The following CDH18 variants were observed in gnomAD, a reference collection of about 807,000 sequenced individuals.
CDH18 encodes cadherin 18, also known as cadherin-18.
Under a neutral mutation model 67.9 loss-of-function variants are expected in CDH18, and 31 were observed. The observed-to-expected ratio is 0.46, with a 90% CI of 0.34 to 0.62. The LOEUF (loss-of-function observed/expected upper bound fraction) is 0.62, where lower values mean the gene tolerates loss of function less well. CDH18 is among the 20% of genes least tolerant of loss of function. CDH18 has a pLI of 0.01. For synonymous variants in CDH18, 362 were observed against 347.2 expected (o/e 1.04, Z -0.48); for missense variants, 890 against 975.5 (o/e 0.91, Z 1.17).
intron 1 of CDH18, among the ~76,000 whole-genome samples, chr5:20,468,006 G>GTATT (rs59882384): frequency 0.41 from 61,531 of 148,418 alleles, 14,383 homozygotes; most frequent in Non-Finnish European, 0.52. Context: ...ATTTATTTAT[G>GTATT]TATTTATTTA....
intron 4 of CDH18, among the ~76,000 whole-genome samples, chr5:19,730,331 C>T (rs1767424688): frequency 6.6e-6 from 1 of 152,196 alleles, no homozygotes; most frequent in African/African-American, 2.4e-5. Context: ...ACAGATTTCT[C>T]CCCAATGCTC....
At chr5:20,390,964 T>C (rs1273726570) in intron 1 of CDH18, among the ~76,000 whole-genome samples, 1 of 151,830 alleles carries the variant, frequency 6.6e-6, no homozygotes, top group African/African-American at 2.4e-5. Flanking sequence ...AAGGGGAACG[T>C]CACACACTGG....
chr5:19,899,824 A>G (rs1251496506), intron 2 of CDH18, among the ~76,000 whole-genome samples: 1 of 152,182 alleles, frequency 6.6e-6, no homozygotes, highest in East Asian at 1.9e-4. Flanking sequence ...GGTAAGTAAA[A>G]TAAGCCAGTC....
intron 5 of CDH18, among the ~76,000 whole-genome samples, chr5:19,645,872 A>C (rs1035890518): frequency 2.0e-5 from 3 of 152,188 alleles, no homozygotes; most frequent in Admixed American, 2.0e-4. Context: ...ACTTTATAAA[A>C]AGGAAGAAGT....
intron 1 of CDH18, among the ~76,000 whole-genome samples, chr5:20,276,441 A>C (rs1336322256): frequency 6.6e-6 from 1 of 152,196 alleles, no homozygotes; most frequent in African/African-American, 2.4e-5. Flanking sequence ...AATGGGCCAG[A>C]AGGGAACCCA....
chr5:20,547,841 A>AT (rs1757425846), intron 1 of CDH18, among the ~76,000 whole-genome samples: 1 of 152,058 alleles, frequency 6.6e-6, no homozygotes. Flanking sequence ...GTTGATTAAC[A>AT]TTTTTTGTCA....
At chr5:19,487,539 C>T (rs1740608504) in intron 11 of CDH18, among the ~76,000 whole-genome samples, 1 of 152,080 alleles carries the variant, frequency 6.6e-6, no homozygotes, top group Non-Finnish European at 1.5e-5. Context: ...CAAAAGGGCC[C>T]CTGAAAATGT....
At chr5:20,385,694 C>G (rs577761458) in intron 1 of CDH18, among the ~76,000 whole-genome samples, 1 of 152,204 alleles carries the variant, frequency 6.6e-6, no homozygotes, top group East Asian at 1.9e-4. Context: ...GAAAAGAATG[C>G]TTTTTGATTT....
intron 1 of CDH18, among the ~76,000 whole-genome samples, chr5:20,436,062 A>G (rs1197554737): frequency 6.6e-6 from 1 of 151,990 alleles, no homozygotes; most frequent in Non-Finnish European, 1.5e-5. Context: ...TCATAACAAT[A>G]TTGGTTTATA....
chr5:20,082,236 A>G (rs1001054394), intron 2 of CDH18, among the ~76,000 whole-genome samples: 9 of 152,198 alleles, frequency 5.9e-5, no homozygotes, highest in African/African-American at 2.4e-5. Context: ...ATAAGACAAT[A>G]TTATTTGAAG....
intron 2 of CDH18, among the ~76,000 whole-genome samples, chr5:20,229,898 A>C (rs1741931215): frequency 6.6e-6 from 1 of 152,048 alleles, no homozygotes; most frequent in South Asian, 2.1e-4. Flanking sequence ...TGTTATTTTC[A>C]TTATTTATTT....
At chr5:20,211,188 C>T (rs1740322328) in intron 2 of CDH18, among the ~76,000 whole-genome samples, 1 of 152,074 alleles carries the variant, frequency 6.6e-6, no homozygotes, top group South Asian at 2.1e-4. Flanking sequence ...GAAGCTTCTA[C>T]CACTGTGTAA....
chr5:19,741,187 T>C (rs1561195985), intron 4 of CDH18, among the ~76,000 whole-genome samples: 1 of 149,884 alleles, frequency 6.7e-6, no homozygotes. Context: ...ATATGTCATC[T>C]ATGTATATAT....
chr5:20,138,639 C>G (rs1013627728), intron 2 of CDH18, among the ~76,000 whole-genome samples: 1 of 152,074 alleles, frequency 6.6e-6, no homozygotes, highest in Admixed American at 6.6e-5. Context: ...AATCAATGTG[C>G]AAAAATCATA....
At chr5:19,714,775 G>A (rs767964061) in intron 5 of CDH18, among the ~76,000 whole-genome samples, 2 of 151,742 alleles carry the variant, frequency 1.3e-5, no homozygotes, top group Non-Finnish European at 2.9e-5. Flanking sequence ...TAACATTGAC[G>A]GAAACAATAT....
intron 3 of CDH18, among the ~76,000 whole-genome samples, chr5:19,786,161 T>C (rs1699488930): frequency 1.3e-5 from 2 of 152,130 alleles, no homozygotes; most frequent in African/African-American, 4.8e-5. Flanking sequence ...TGAATAGAAA[T>C]CTTTATATGG....
chr5:19,624,272 G>T (rs1751174039), intron 5 of CDH18, among the ~76,000 whole-genome samples: 1 of 151,970 alleles, frequency 6.6e-6, no homozygotes, highest in Admixed American at 6.6e-5. Context: ...CTCCCAAAGT[G>T]CTGGGATTAC....
intron 2 of CDH18, among the ~76,000 whole-genome samples, chr5:20,161,754 A>C (rs894142116): frequency 3.3e-5 from 5 of 152,262 alleles, no homozygotes; most frequent in African/African-American, 1.2e-4. Context: ...TTTTCCACTG[A>C]AACTTATCAA....
chr5:19,842,588 T>C (rs1041957286), intron 2 of CDH18, among the ~76,000 whole-genome samples: 5 of 152,188 alleles, frequency 3.3e-5, no homozygotes, highest in African/African-American at 9.6e-5. Context: ...CTTGGGTATT[T>C]CTTTATAGCA....
Sources: allele counts gnomAD v4.1 joint callset (sites outside exome capture counted in the v4.1 genomes callset), GRCh38; gene constraint gnomAD v4.1.1; transcripts MANE v1.5; gene names NCBI Gene and HGNC (gene_info 2026-07-23, HGNC 2026-07-21).